The following TCP11 variants were observed in gnomAD, a reference collection of about 807,000 sequenced individuals.
The protein encoded by TCP11 is t-complex 11.
In TCP11, 34 loss-of-function variants were observed where a neutral mutation model predicts 45.0. The observed-to-expected ratio is 0.76, with a 90% confidence interval of 0.57 to 1.01. The LOEUF is 1.01. TCP11 is among the 50% of genes least tolerant of loss of function. The pLI is 0.00. For synonymous variants in TCP11, 227 were observed against 227.0 expected (o/e 1.00, Z 0.00); for missense variants, 523 against 598.1 (o/e 0.87, Z 1.31).
chr6:35,135,036 A>T (rs1446268504), intron 3 of TCP11, among the ~76,000 whole-genome samples: 1 of 151,896 alleles, frequency 6.6e-6, no homozygotes. Flanking sequence ...AATCCCAGCT[A>T]CTTGGGAGGC....
chr6:35,118,187 T>C lies in TCP11; in HGVS notation c.*82A>G. On this transcript the variant is annotated 3_prime_UTR_variant, in exon 10 of 10. Coordinates refer to ENST00000311875, the MANE Select transcript of TCP11 (RefSeq NM_001370687.1). The stretch of plus-strand genomic sequence containing the variant: ...GGGCCTGGGATAGAAGCTCACTGTC[T>C]GCTGGTCACTGGTGATGTTACTCCA... 1 of 1,187,414 alleles carries C rather than the reference T, an allele frequency of 8.4e-7. No homozygotes were observed. The highest frequency in any genetic ancestry group is 1.8e-5 in the Admixed American group (1 of 55,740). 73.6% of individuals were successfully genotyped at this position (1,187,414 alleles called of 1,614,324 possible). A position where few individuals can be genotyped will look rare whatever the true frequency, so the allele number is the denominator to read the frequency against.
Position 35,119,993 on chromosome 6 carries a change from G to C in TCP11, c.1115+166C>G, listed in dbSNP as rs59832449. Among the ~76,000 whole-genome samples, 834 of 151,156 alleles carry C rather than the reference G, an allele frequency of 5.5e-3. 8 individuals carry two copies. The highest frequency in any genetic ancestry group is 0.016 in the African/African-American group (655 of 41,202). On this transcript the variant is annotated intron_variant, in intron 8 of 9. Coordinates refer to ENST00000311875, the MANE Select transcript of TCP11 (RefSeq NM_001370687.1). ...CTTTTTGGAAGAAAGGTTTTTTTTT[G>C]TTACACCCTCATGACCACTTATGGA... is the stretch of plus-strand genomic sequence containing the variant.
chr6:35,119,532 G>T, intron 8 of TCP11, 141 bp from the exon 9 acceptor site: 1 of 1,025,500 alleles, frequency 9.8e-7, no homozygotes, highest in Non-Finnish European at 1.4e-6. Context: ...CCCAGCCCCT[G>T]GCAGGCTATA....
intron 3 of TCP11, among the ~76,000 whole-genome samples, chr6:35,129,525 A>G (rs1780177431): frequency 6.6e-6 from 1 of 152,218 alleles, no homozygotes; most frequent in Non-Finnish European, 1.5e-5. Context: ...TACACATAGC[A>G]TTGAGCTAAA....
In TCP11 at chr6:35,120,195, C is replaced by A; in HGVS notation, c.1079G>T (p.Arg360Leu). The A allele has an allele frequency of 6.2e-7, 1 of 1,614,188 alleles. No individual in the cohort carries two copies. ...GSPQFVDKLK[R>L]ITKSLLEDFH... ...GTCTTCCAACAAGGATTTGGTTATGCGTTTCAGTTTATCTACAAATTGGGG... is the reference window on the plus strand; with the variant it reads ...GTCTTCCAACAAGGATTTGGTTATGAGTTTCAGTTTATCTACAAATTGGGG... Residue 360 changes from arginine (R) to leucine (L), a missense_variant, in exon 8 of 10, where the codon CGC (arginine) becomes CTC (leucine). By Grantham distance (102) the Arg-to-Leu change is moderately radical (BLOSUM62 -2). Transcript: ENST00000311875. The surrounding 1 kb of genome is among the most constrained non-coding windows in gnomAD (Gnocchi z 4.9).
At chr6:35,140,087 A>C (rs770493123) in intron 2 of TCP11, 25 of 1,613,846 alleles carry the variant, frequency 1.5e-5, no homozygotes, top group Non-Finnish European at 2.0e-5. Flanking sequence ...ACCAGCAGCG[A>C]CCTCATGTGG....
chr6:35,139,792 T>C (rs991034777), intron 2 of TCP11, among the ~76,000 whole-genome samples: 9 of 152,080 alleles, frequency 5.9e-5, no homozygotes, highest in African/African-American at 9.7e-5. Context: ...AAAGAGAAAT[T>C]AGAGATAAAA....
At chr6:35,127,027 T>C (rs901646086) in intron 4 of TCP11, among the ~76,000 whole-genome samples, 9 of 152,152 alleles carry the variant, frequency 5.9e-5, no homozygotes, top group African/African-American at 2.2e-4. Context: ...GCAGTAGAAG[T>C]AGGACTGCTT....
At chr6:35,136,326 C>A in intron 2 of TCP11, 108 bp from the exon 3 acceptor site, 18 of 687,172 alleles carry the variant, frequency 2.6e-5, no homozygotes, top group South Asian at 8.5e-5. Flanking sequence ...TGGTCTTACA[C>A]AGACTCACCC....
rs1157743433 is a variant in TCP11 at position 35,119,308 on chromosome 6, A to G, written c.1199T>C (p.Leu400Pro). 6.2e-7 allele frequency: 1 copy of G among 1,614,212 alleles called. No individual in the cohort carries two copies. Among genetic ancestry groups the G allele is most frequent in the East Asian group, 2.2e-5 (1 of 44,878 alleles). The change falls in exon 9 of 10, where the codon CTA becomes CCA. Residue 400 changes from leucine (L) to proline (P), a missense_variant. This residue lies in a region of TCP11 where 298 missense variants were observed against 387.9 expected (regional missense o/e 0.77). Transcript: ENST00000311875. ...QSLKNMGLVA[L>P]SSDNTASLMG... ...TAGAGATGCTGTATTATCACTGCTTAGAGCAACAAGGCCCATATTCTTGAG... is the reference window on the plus strand; with the variant it reads ...TAGAGATGCTGTATTATCACTGCTTGGAGCAACAAGGCCCATATTCTTGAG...
intron 2 of TCP11, chr6:35,137,798 A>G: frequency 2.2e-6 from 1 of 455,884 alleles, no homozygotes; most frequent in Non-Finnish European, 4.4e-6. Flanking sequence ...TGGCTCCAAG[A>G]TGTGGAGGAG....
At chr6:35,128,769 T>A (rs1780098245) in intron 4 of TCP11, 2 of 260,056 alleles carry the variant, frequency 7.7e-6, no homozygotes, top group South Asian at 5.3e-5. Context: ...TCAAATGAGG[T>A]CCTTGGTTGG....
chr6:35,140,880 G>A lies in TCP11; in HGVS notation c.-10C>T, dbSNP rs756587518. 13 of 1,573,786 alleles carry A rather than the reference G, an allele frequency of 8.3e-6. No individual in the cohort carries two copies. Among genetic ancestry groups the A allele is most frequent in the Non-Finnish European group, 1.1e-5 (13 of 1,163,488 alleles). On this transcript the variant is annotated 5_prime_UTR_variant, in exon 2 of 10. Transcript: ENST00000311875. ...CCTTGACGTCTGGCATTTTGCTGAT[G>A]GTATCTGGGTGAGGGAGAAAGGCGT...
intron 3 of TCP11, among the ~76,000 whole-genome samples, chr6:35,134,570 C>T (rs9366878): frequency 0.043 from 6,537 of 152,068 alleles, 315 homozygotes; most frequent in East Asian, 0.24. Context: ...TGAGCCACTG[C>T]GCCTGGCCCC....
At chr6:35,119,160 G>C (rs908706749) in intron 9 of TCP11, 68 bp downstream of exon 9, 2 of 1,578,716 alleles carry the variant, frequency 1.3e-6, no homozygotes, top group South Asian at 1.2e-5. Flanking sequence ...TGTTGTTAAA[G>C]GTTGGGGTTC....
intron 3 of TCP11, among the ~76,000 whole-genome samples, chr6:35,130,402 G>A (rs1780272084): frequency 6.6e-6 from 1 of 151,782 alleles, no homozygotes; most frequent in African/African-American, 2.4e-5. Flanking sequence ...ACACTGTTAA[G>A]AGAACAAAAA....
In TCP11 at chr6:35,141,262, TGGC is replaced by T; in HGVS notation, c.-75_-73del. 1.6e-5 allele frequency: 3 copies of T among 188,052 alleles called. No individual in the cohort carries two copies. Among genetic ancestry groups the T allele is most frequent in the South Asian group, 8.6e-5 (1 of 11,578 alleles). 11.6% of individuals were successfully genotyped at this position (188,052 alleles called of 1,614,324 possible). The stretch of plus-strand genomic sequence containing the variant: ...CGTCCGCTCGGTGGGCCTCGCGGCC[TGGC>T]GGCCTGGAGCGTACCACCGCGGCGG... On this transcript the variant is annotated 5_prime_UTR_variant, in exon 1 of 10. Coordinates refer to ENST00000311875, the MANE Select transcript of TCP11 (RefSeq NM_001370687.1).
intron 3 of TCP11, 79 bp downstream of exon 3, chr6:35,136,028 T>C: frequency 9.8e-7 from 1 of 1,018,124 alleles, no homozygotes; most frequent in Non-Finnish European, 1.4e-6. Flanking sequence ...ATAAAAATGC[T>C]TCAAGTCTGA....
At chr6:35,140,720 C>A in intron 2 of TCP11, 27 bp downstream of exon 2, 2 of 1,509,870 alleles carry the variant, frequency 1.3e-6, no homozygotes, top group Non-Finnish European at 8.9e-7. Flanking sequence ...CCCTAGGGGG[C>A]CACAGGGACT....
Sources: gnomAD v4.1 joint callset for allele counts (sites outside exome capture counted in the v4.1 genomes callset) on GRCh38, gnomAD v4.1.1 for gene constraint, gnomAD v4.1.1 regional missense constraint, Gnocchi (gnomAD v3.1) non-coding constraint, MANE v1.5 for transcripts, NCBI Gene and HGNC (gene_info 2026-07-23, HGNC 2026-07-21) for gene names.